TENM2: variants seen among roughly 807,000 people sequenced by gnomAD.
TENM2 encodes teneurin-2.
A neutral mutation model predicts 245.2 loss-of-function variants in TENM2; 52 were observed. That is an observed-to-expected ratio of 0.21 (90% confidence interval 0.17 to 0.27). The LOEUF (loss-of-function observed/expected upper bound fraction) is 0.27. Ranked by LOEUF, TENM2 falls within the 10% of genes least tolerant of loss-of-function variation. TENM2 has a pLI of 1.00. For missense variants in TENM2, 3,046 were observed against 3,666.8 expected (o/e 0.83, Z 4.37); for synonymous variants, 1,363 against 1,438.9 (o/e 0.95, Z 1.19).
intron 6 of TENM2, among the ~76,000 whole-genome samples, chr5:168,051,911 T>C (rs574948662): frequency 6.6e-6 from 1 of 152,310 alleles, no homozygotes; most frequent in East Asian, 1.9e-4. Context: ...TCTCAGCTGG[T>C]CCATTTAACA....
At chr5:167,938,259 T>C (rs1031043157) in intron 3 of TENM2, among the ~76,000 whole-genome samples, 2 of 152,152 alleles carry the variant, frequency 1.3e-5, no homozygotes, top group Admixed American at 6.5e-5. Flanking sequence ...AACCTGCACA[T>C]TGAGATGTGC....
rs115460719 is a variant in TENM2 at position 167,823,173 on chromosome 5, T to C, written c.503-52813T>C. 3.5e-3 allele frequency among the ~76,000 whole-genome samples: 534 copies of C among 152,260 alleles called. 5 individuals carry two copies. The highest frequency in any genetic ancestry group is 0.012 in the African/African-American group (494 of 41,538). On this transcript the variant is annotated intron_variant, in intron 2 of 28. Coordinates refer to ENST00000518659, the Ensembl canonical transcript of TENM2. ...TGTGATGGGAAATTTCCCTTTTTTT[T>C]GTATTTCAAAGTGCTGAAATAGAGA... is the stretch of plus-strand genomic sequence containing the variant.
At chr5:167,067,897 T>C in the TENM2 span, among the ~76,000 whole-genome samples, 1 of 152,192 alleles carries the variant, frequency 6.6e-6, no homozygotes, top group Non-Finnish European at 1.5e-5. Context: ...CAAATAGCAT[T>C]TGTGATGAGG....
At chr5:167,773,577 G>A (rs1361668587) in intron 2 of TENM2, among the ~76,000 whole-genome samples, 18 of 152,148 alleles carry the variant, frequency 1.2e-4, no homozygotes, top group Non-Finnish European at 2.6e-4. Flanking sequence ...CTTGGAATTT[G>A]GGGTGTTGGG....
chr5:167,588,476 A>G (rs1721655766), intron 2 of TENM2, among the ~76,000 whole-genome samples: 1 of 152,244 alleles, frequency 6.6e-6, no homozygotes, highest in Non-Finnish European at 1.5e-5. Flanking sequence ...GTAGTGACCA[A>G]TACAATTAGC....
intron 5 of TENM2, among the ~76,000 whole-genome samples, chr5:168,041,207 TC>T (rs1788155713): frequency 6.6e-6 from 1 of 152,208 alleles, no homozygotes; most frequent in Admixed American, 6.5e-5. Flanking sequence ...ATCCCAGATT[TC>T]CCACTTACTG....
the TENM2 span, among the ~76,000 whole-genome samples, chr5:167,029,764 C>G: frequency 6.6e-6 from 1 of 152,202 alleles, no homozygotes; most frequent in Admixed American, 6.5e-5. Flanking sequence ...ACCTTGCACA[C>G]TTGACACTTG....
intron 2 of TENM2, among the ~76,000 whole-genome samples, chr5:167,395,159 T>C (rs1223968049): frequency 6.6e-6 from 1 of 152,170 alleles, no homozygotes; most frequent in Non-Finnish European, 1.5e-5. Context: ...TGTGTCTCTT[T>C]TAATTTCTTT....
chr5:167,631,741 G>T (rs574480655), intron 2 of TENM2, among the ~76,000 whole-genome samples: 12 of 152,122 alleles, frequency 7.9e-5, no homozygotes, highest in Non-Finnish European at 1.3e-4. Context: ...TGCAAATGTT[G>T]CTTTAAACTT....
chr5:167,368,415 T>G (rs1760194375), intron 1 of TENM2, among the ~76,000 whole-genome samples: 1 of 152,190 alleles, frequency 6.6e-6, no homozygotes, highest in South Asian at 2.1e-4. Context: ...AGCAGGATCA[T>G]AGAGGGTCAT....
chr5:167,056,765 T>C, the TENM2 span, among the ~76,000 whole-genome samples: 1 of 150,722 alleles, frequency 6.6e-6, no homozygotes, highest in Non-Finnish European at 1.5e-5. Context: ...ATTCTCTGGT[T>C]TTGTTAGTTT....
the TENM2 span, among the ~76,000 whole-genome samples, chr5:167,048,649 C>A: frequency 6.6e-6 from 1 of 152,014 alleles, no homozygotes; most frequent in African/African-American, 2.4e-5. Flanking sequence ...GGAAATTCAC[C>A]CTTTCAAAAA....
At chr5:167,565,243 A>G (rs970164736) in intron 2 of TENM2, among the ~76,000 whole-genome samples, 1 of 152,240 alleles carries the variant, frequency 6.6e-6, no homozygotes, top group Non-Finnish European at 1.5e-5. Context: ...GTCATAATAT[A>G]GTAAATGAGG....
intron 2 of TENM2, among the ~76,000 whole-genome samples, chr5:167,384,549 A>G (rs950050284): frequency 2.6e-5 from 4 of 152,208 alleles, no homozygotes; most frequent in African/African-American, 9.7e-5. Context: ...ATGTGTAGCA[A>G]TCAGATGACC....
At position 167,336,835 on chromosome 5, in the gene TENM2, C is replaced by T. The variant is rs968851631; in HGVS notation, c.227-38363C>T. On this transcript the variant is annotated intron_variant, in intron 1 of 28. Coordinates refer to ENST00000518659, the Ensembl canonical transcript of TENM2. ...TGCAAATATTTAAAAAAAAAAAAAT[C>T]GGCCGGGTGCGGTGGCTCACGCCTG... Among the ~76,000 whole-genome samples, 32 of 150,284 alleles carry T rather than the reference C, an allele frequency of 2.1e-4. No homozygotes were observed. The South Asian group carries it at 4.2e-3, about 20-fold the overall frequency.
chr5:168,256,609 G>A (rs894381176), intron 27 of TENM2, among the ~76,000 whole-genome samples: 2 of 151,920 alleles, frequency 1.3e-5, no homozygotes, highest in Admixed American at 6.6e-5. Flanking sequence ...GTTTTTAGTC[G>A]AGACGAGGTT....
chr5:167,269,260 C>T, the TENM2 span, among the ~76,000 whole-genome samples: 8 of 152,166 alleles, frequency 5.3e-5, no homozygotes, highest in East Asian at 1.5e-3. Flanking sequence ...TTTTTCCCAT[C>T]ATTTTTTTGA....
At chr5:167,369,733 C>G (rs1044707750) in intron 1 of TENM2, among the ~76,000 whole-genome samples, 3 of 152,130 alleles carry the variant, frequency 2.0e-5, no homozygotes, top group Non-Finnish European at 4.4e-5. Context: ...GCTTGCATAA[C>G]AAACATTTAG....
In TENM2 at chr5:168,037,127, C is replaced by T. The variant is rs144414016; in HGVS notation, c.1187-10300C>T. ...TATGTGAAATCCACTTAACTTAAAA[C>T]CATTTGCAAGAGAGATCAAATCCAA... On this transcript the variant is annotated intron_variant, in intron 5 of 28. Transcript: ENST00000518659. Among the ~76,000 whole-genome samples, 880 of 152,190 alleles carry T rather than the reference C, an allele frequency of 5.8e-3. 7 individuals are homozygous for T. The highest frequency in any genetic ancestry group is 6.8e-3 in the Middle Eastern group (2 of 292).
Sources: allele counts gnomAD v4.1 joint callset (sites outside exome capture counted in the v4.1 genomes callset), GRCh38; gene constraint gnomAD v4.1.1; transcripts MANE v1.5; gene names NCBI Gene and HGNC (gene_info 2026-07-23, HGNC 2026-07-21).